The following GLCE variants were observed in gnomAD, a reference collection of about 807,000 sequenced individuals.
GLCE encodes D-glucuronyl C5-epimerase.
Under a neutral mutation model 47.9 loss-of-function variants are expected in GLCE, and 19 were observed. The ratio of observed to expected loss-of-function variants is 0.40; its 90% CI spans 0.28 to 0.58. The LOEUF (loss-of-function observed/expected upper bound fraction) is 0.58. Ranked by LOEUF, GLCE falls within the 20% of genes least tolerant of loss-of-function variation. The pLI is 0.48. For synonymous variants in GLCE, 245 were observed against 263.4 expected, an observed-to-expected ratio of 0.93 and a Z score of 0.68; for missense variants, 556 against 743.3, an observed-to-expected ratio of 0.75 and a Z score of 2.93.
intron 1 of GLCE, among the ~76,000 whole-genome samples, chr15:69,161,054 G>A (rs932821724): frequency 6.6e-6 from 1 of 152,112 alleles, no homozygotes; most frequent in Non-Finnish European, 1.5e-5. Context: ...GGCGGCACAC[G>A]GGGTCCTAGG....
chr15:69,184,290 G>A (rs929368157), intron 1 of GLCE, among the ~76,000 whole-genome samples: 1 of 152,040 alleles, frequency 6.6e-6, no homozygotes, highest in Admixed American at 6.6e-5. Context: ...CATGCAATGC[G>A]GAATAATGAC....
intron 2 of GLCE, among the ~76,000 whole-genome samples, chr15:69,219,133 G>A (rs952948838): frequency 6.6e-6 from 1 of 151,414 alleles, no homozygotes; most frequent in Non-Finnish European, 1.5e-5. Flanking sequence ...CAGTTGTAAG[G>A]GTTTTTCTTA....
intron 2 of GLCE, among the ~76,000 whole-genome samples, chr15:69,255,273 A>G (rs1272878361): frequency 6.6e-6 from 1 of 152,186 alleles, no homozygotes; most frequent in Non-Finnish European, 1.5e-5. Context: ...GAGCATCCCA[A>G]GTTCAGAAAT....
At chr15:69,268,119 T>C in intron 4 of GLCE, 101 bp from the exon 5 acceptor site, 1 of 677,618 alleles carries the variant, frequency 1.5e-6, no homozygotes, top group Non-Finnish European at 2.6e-6. Flanking sequence ...TAAGTGTTAA[T>C]TTTGTGCGGT....
At position 69,184,264 on chromosome 15, in the gene GLCE, T is replaced by C. The variant is rs576672808; in HGVS notation, c.-105+23507T>C. ...CAGCTTCCCAGCCACTTCTTCAATT[T>C]AGTTGTAGCTCTGGGCATGCAATGC... On this transcript the variant is annotated intron_variant, in intron 1 of 4. Coordinates refer to ENST00000261858, the MANE Select transcript of GLCE (RefSeq NM_015554.3). Among the ~76,000 whole-genome samples the C allele has an allele frequency of 8.5e-5, 13 of 152,346 alleles. No individual in the cohort carries two copies. In the South Asian group the frequency reaches 2.7e-3, roughly 32 times the overall value.
In GLCE at chr15:69,214,136, T is replaced by C. The variant is rs868106545; in HGVS notation, c.-14+3730T>C. ...CTCCAAGGAACCCAGGTCCAACTTA[T>C]TGGAGAATAGTATTTAGAAACCAGC... On this transcript the variant is annotated intron_variant, in intron 2 of 4. Coordinates refer to ENST00000261858, the MANE Select transcript of GLCE (RefSeq NM_015554.3). Among the ~76,000 whole-genome samples the C allele has an allele frequency of 5.5e-4, 83 of 152,178 alleles. 1 individual carries two copies. In the Middle Eastern group the frequency reaches 0.02, roughly 37 times the overall value.
chr15:69,193,593 T>C lies in GLCE; in HGVS notation c.-104-16723T>C, dbSNP rs2051945103. On this transcript the variant is annotated intron_variant, in intron 1 of 4. Transcript: ENST00000261858. ...TTCAAATTTTTGTATTCACAAAAAA[T>C]CTCCTATGCCTTTGATGAACATCTA... Among the ~76,000 whole-genome samples, 5 of 152,196 alleles carry C rather than the reference T, an allele frequency of 3.3e-5. No individual in the cohort carries two copies. The South Asian group carries it at 1.0e-3, about 32-fold the overall frequency.
chr15:69,251,961 G>T (rs1258418459), intron 2 of GLCE, among the ~76,000 whole-genome samples: 1 of 152,044 alleles, frequency 6.6e-6, no homozygotes, highest in African/African-American at 2.4e-5. Context: ...AATTTTATCT[G>T]TCTCCTGCTG....
intron 4 of GLCE, among the ~76,000 whole-genome samples, chr15:69,267,074 T>G (rs955630439): frequency 2.6e-5 from 4 of 152,250 alleles, no homozygotes; most frequent in African/African-American, 9.6e-5. Context: ...CTGCTGCTAC[T>G]GCTATTTTAA....
intron 2 of GLCE, among the ~76,000 whole-genome samples, chr15:69,253,323 C>T (rs1189874932): frequency 6.6e-6 from 1 of 152,240 alleles, no homozygotes; most frequent in Admixed American, 6.5e-5. Flanking sequence ...TGGCTCCCCA[C>T]CCACTCACCC....
chr15:69,169,245 G>C (rs1192006016), intron 1 of GLCE, among the ~76,000 whole-genome samples: 1 of 151,882 alleles, frequency 6.6e-6, no homozygotes, highest in Non-Finnish European at 1.5e-5. Flanking sequence ...ACAGACATTT[G>C]GGCTGTTTCC....
Position 69,256,018 on chromosome 15 carries a change from A to G in GLCE, c.212A>G (p.Gln71Arg), listed in dbSNP as rs1209501685. 5 of 1,614,114 alleles carry G rather than the reference A, an allele frequency of 3.1e-6. No individual in the cohort carries two copies. The South Asian group carries it at 5.5e-5, about 18-fold the overall frequency. The change falls in exon 3 of 5, where the codon CAA (glutamine) becomes CGA (arginine). Residue 71 changes from glutamine to arginine, a missense_variant. Gln to Arg is a conservative substitution (Grantham distance 43, BLOSUM62 1). Around this residue, in one of 3 missense-constraint regions of GLCE, gnomAD observed 237 missense variants for 310.9 expected, o/e 0.76. Coordinates refer to ENST00000261858, the MANE Select transcript of GLCE (RefSeq NM_015554.3). ...AACTATATGAACCACGTGGCCAAAC[A>G]ACAGTCTGAGGAAGCATTCCCTCAG... The part of the protein sequence containing the change: ...SNNYMNHVAK[Q>R]QSEEAFPQEQ...
chr15:69,268,659 A>G lies in GLCE; in HGVS notation c.1269A>G (p.Pro423=), dbSNP rs1237127645. The G allele has an allele frequency of 1.2e-6, 2 of 1,614,088 alleles. No individual in the cohort carries two copies. Among genetic ancestry groups the G allele is most frequent in the African/African-American group, 1.3e-5 (1 of 74,942 alleles). The change falls in exon 5 of 5, where the codon CCA becomes CCG. Residue 423 remains proline (P), a synonymous_variant. Transcript: ENST00000261858. ...VRNQDEKGGW[P]IMVTRKLGEG... is the part of the protein sequence containing the mutation. ...ACCAGGATGAGAAAGGTGGCTGGCC[A>G]ATTATGGTGACCCGTAAGTTAGGGG...
intron 1 of GLCE, among the ~76,000 whole-genome samples, chr15:69,193,764 G>C (rs2051947720): frequency 6.6e-6 from 1 of 151,984 alleles, no homozygotes; most frequent in Admixed American, 6.6e-5. Flanking sequence ...TTGTACCCTA[G>C]ATGCCTTGTT....
At chr15:69,239,947 A>ATT (rs1304134829) in intron 2 of GLCE, among the ~76,000 whole-genome samples, 1 of 152,206 alleles carries the variant, frequency 6.6e-6, no homozygotes, top group Non-Finnish European at 1.5e-5. Context: ...ACTTTTAATG[A>ATT]AACAATCATC....
chr15:69,190,913 G>T (rs2051902150), intron 1 of GLCE, among the ~76,000 whole-genome samples: 1 of 151,806 alleles, frequency 6.6e-6, no homozygotes, highest in Non-Finnish European at 1.5e-5. Flanking sequence ...TTGCACTATT[G>T]TCTTAGGAAC....
At chr15:69,236,992 TATTA>T (rs1178981472) in intron 2 of GLCE, among the ~76,000 whole-genome samples, 24 of 152,296 alleles carry the variant, frequency 1.6e-4, no homozygotes, top group Admixed American at 3.9e-4. Context: ...TTCTGTTAAC[TATTA>T]ATTAATAAGA....
At chr15:69,229,354 A>C (rs1295652726) in intron 2 of GLCE, among the ~76,000 whole-genome samples, 1 of 152,222 alleles carries the variant, frequency 6.6e-6, no homozygotes, top group African/African-American at 2.4e-5. Flanking sequence ...TGAGCCCACA[A>C]TGTTTCCAGG....
At chr15:69,244,863 T>C (rs2052725034) in intron 2 of GLCE, among the ~76,000 whole-genome samples, 1 of 152,198 alleles carries the variant, frequency 6.6e-6, no homozygotes. Flanking sequence ...ATTCAAATAA[T>C]ATAATTTACT....
Sources: gnomAD v4.1 joint callset for allele counts (sites outside exome capture counted in the v4.1 genomes callset) on GRCh38, gnomAD v4.1.1 for gene constraint, gnomAD v4.1.1 regional missense constraint, MANE v1.5 for transcripts, NCBI Gene and HGNC (gene_info 2026-07-23, HGNC 2026-07-21) for gene names.